Variants in ARMC9 observed in about 807,000 individuals in gnomAD.
ARMC9 encodes armadillo repeat containing 9, also known as lisH domain-containing protein ARMC9.
Under a neutral mutation model 107.0 loss-of-function variants are expected in ARMC9, and 94 were observed. The observed-to-expected ratio is 0.88, with a 90% CI of 0.74 to 1.04. ARMC9 has a LOEUF of 1.04. ARMC9 is among the 50% of genes least tolerant of loss of function. The pLI is 0.00. For synonymous variants in ARMC9, 380 were observed against 396.9 expected, an observed-to-expected ratio of 0.96 and a Z score of 0.51; for missense variants, 942 against 1,030.1, an observed-to-expected ratio of 0.91 and a Z score of 1.17.
Position 231,239,994 on chromosome 2 carries a change from A to G in ARMC9, c.832A>G (p.Met278Val), listed in dbSNP as rs2036134938. The change falls in exon 9 of 25, where the codon ATG (methionine) becomes GTG (valine). Residue 278 changes from methionine (M) to valine (V), a missense_variant. Coordinates refer to ENST00000611582, the MANE Select transcript of ARMC9 (RefSeq NM_001352754.2). ...SVCVRLFSNQ[M>V]RQSLAHSVDF... ...CTGTGTCCGCCTGTTCAGTAACCAGATGCGGCAGAGCCTGGCGCATAGTGT... is the reference window on the plus strand; with the variant it reads ...CTGTGTCCGCCTGTTCAGTAACCAGGTGCGGCAGAGCCTGGCGCATAGTGT... The G allele has an allele frequency of 1.9e-6, 3 of 1,613,972 alleles. No homozygotes were observed. The highest frequency in any genetic ancestry group is 1.1e-5 in the South Asian group (1 of 91,032).
intron 17 of ARMC9, among the ~76,000 whole-genome samples, chr2:231,289,089 C>T (rs746970955): frequency 4.6e-4 from 70 of 152,324 alleles, no homozygotes; most frequent in Middle Eastern, 3.4e-3. Context: ...CAAGTTATTA[C>T]TTTCAGGATA....
At chr2:231,282,278 G>A (rs1252431181) in intron 17 of ARMC9, 145 bp downstream of exon 17, 1 of 781,180 alleles carries the variant, frequency 1.3e-6, no homozygotes, top group African/African-American at 1.7e-5. Context: ...ATGTATATTT[G>A]CCATTTCCTG....
At chr2:231,363,882 T>C (rs1425091393) in intron 23 of ARMC9, among the ~76,000 whole-genome samples, 2 of 33,908 alleles carry the variant, frequency 5.9e-5, no homozygotes, top group Admixed American at 9.2e-4. Flanking sequence ...AGACTCCGTC[T>C]CAAAAAAAAA....
chr2:231,304,633 G>A (rs966864752), intron 19 of ARMC9, among the ~76,000 whole-genome samples: 36 of 152,172 alleles, frequency 2.4e-4, no homozygotes, highest in Non-Finnish European at 4.4e-4. Flanking sequence ...CTGACCTCAG[G>A]TGATCTGCCC....
intron 21 of ARMC9, among the ~76,000 whole-genome samples, chr2:231,350,093 C>T (rs1192877620): frequency 6.6e-6 from 1 of 151,998 alleles, no homozygotes; most frequent in African/African-American, 2.4e-5. Flanking sequence ...GTGGCACAGT[C>T]TTGGCAACTG....
At chr2:231,345,429 C>T (rs1218189340) in intron 21 of ARMC9, among the ~76,000 whole-genome samples, 1 of 152,210 alleles carries the variant, frequency 6.6e-6, no homozygotes, top group Non-Finnish European at 1.5e-5. Context: ...CCTCTCGTCA[C>T]AGCACCAAGC....
At chr2:231,367,351 A>T (rs1181818568) in intron 23 of ARMC9, among the ~76,000 whole-genome samples, 1 of 152,070 alleles carries the variant, frequency 6.6e-6, no homozygotes. Flanking sequence ...TGACCCTGCA[A>T]CTTGACCTTG....
chr2:231,226,339 G>A (rs2034643596), intron 6 of ARMC9, among the ~76,000 whole-genome samples: 1 of 152,186 alleles, frequency 6.6e-6, no homozygotes, highest in Non-Finnish European at 1.5e-5. Context: ...AGAGTCTGTG[G>A]TCTTAGCAAT....
intron 19 of ARMC9, among the ~76,000 whole-genome samples, chr2:231,314,176 T>C (rs950424624): frequency 2.4e-4 from 36 of 151,460 alleles, no homozygotes; most frequent in Non-Finnish European, 5.3e-4. Flanking sequence ...GCCTCACAGG[T>C]TCAAGTGATT....
At chr2:231,230,115 A>T (rs1358959214) in intron 7 of ARMC9, among the ~76,000 whole-genome samples, 3 of 152,140 alleles carry the variant, frequency 2.0e-5, no homozygotes, top group Non-Finnish European at 4.4e-5. Flanking sequence ...TAATCCCAGC[A>T]CTGTGGGAGG....
intron 19 of ARMC9, among the ~76,000 whole-genome samples, chr2:231,302,135 G>A (rs1483296521): frequency 6.6e-6 from 1 of 151,890 alleles, no homozygotes; most frequent in Admixed American, 6.6e-5. Flanking sequence ...AATATGTTAT[G>A]CATAGGAAAG....
intron 19 of ARMC9, among the ~76,000 whole-genome samples, chr2:231,330,582 A>C (rs2043661932): frequency 6.6e-6 from 1 of 152,194 alleles, no homozygotes; most frequent in Non-Finnish European, 1.5e-5. Flanking sequence ...ACCACCCAGC[A>C]GGGATGAAAC....
rs16827884 is a variant in ARMC9 at position 231,239,853 on chromosome 2, G to A, written c.781-90G>A. 0.041 allele frequency: 44,522 copies of A among 1,078,846 alleles called. 1,125 individuals are homozygous for A. Among genetic ancestry groups the A allele is most frequent in the African/African-American group, 0.1 (6,415 of 63,970 alleles). 66.8% of individuals were successfully genotyped at this position (1,078,846 alleles called of 1,614,324 possible). On this transcript the variant is annotated intron_variant, in intron 8 of 24. Coordinates refer to ENST00000611582, the MANE Select transcript of ARMC9 (RefSeq NM_001352754.2). ...TCATCATGCCTTACAGAAAGCTGTT[G>A]AGAGACCACTCTAACAATTGCCAGC...
chr2:231,366,160 C>T (rs1395894019), intron 23 of ARMC9, among the ~76,000 whole-genome samples: 1 of 152,160 alleles, frequency 6.6e-6, no homozygotes, highest in Admixed American at 6.5e-5. Context: ...GGGAGAGTTG[C>T]CGTTCAAGTC....
chr2:231,368,551 C>T (rs1276696134), intron 23 of ARMC9, among the ~76,000 whole-genome samples: 3 of 152,138 alleles, frequency 2.0e-5, no homozygotes, highest in African/African-American at 7.2e-5. Flanking sequence ...ACTGTACCCA[C>T]AAGTAAGCAA....
At chr2:231,260,338 A>G (rs2038216185) in intron 11 of ARMC9, among the ~76,000 whole-genome samples, 1 of 152,174 alleles carries the variant, frequency 6.6e-6, no homozygotes, top group Non-Finnish European at 1.5e-5. Context: ...GGGACCTCTT[A>G]GGGTTCCCTG....
Position 231,271,052 on chromosome 2 carries a change from C to T in ARMC9, c.1190C>T (p.Ala397Val), listed in dbSNP as rs746581446. Reference protein sequence around the residue: ...VRQYMARLINAFASLAEGRLY... With the variant: ...VRQYMARLINVFASLAEGRLY... ...CAGTACATGGCCAGGCTCATCAATG[C>T]TTTTGCGTCACTGGCAGAAGGTGAG... Residue 397 changes from alanine (A) to valine (V), a missense_variant, in exon 13 of 25, where the codon GCT becomes GTT. Transcript: ENST00000611582. The T allele has an allele frequency of 5.0e-6, 8 of 1,614,026 alleles. No individual in the cohort carries two copies. In the Admixed American group the frequency reaches 8.3e-5, roughly 17 times the overall value.
At chr2:231,286,054 G>A (rs759339964) in intron 17 of ARMC9, among the ~76,000 whole-genome samples, 2 of 152,292 alleles carry the variant, frequency 1.3e-5, no homozygotes, top group South Asian at 2.1e-4. Flanking sequence ...ACATCTGATC[G>A]TGCACGGTGC....
At chr2:231,307,724 A>C (rs1044491620) in intron 19 of ARMC9, among the ~76,000 whole-genome samples, 1 of 152,198 alleles carries the variant, frequency 6.6e-6, no homozygotes, top group African/African-American at 2.4e-5. Flanking sequence ...CATTGCTGTC[A>C]ACCAGGTTCC....
Sources: gnomAD v4.1 joint callset for allele counts (sites outside exome capture counted in the v4.1 genomes callset) on GRCh38, gnomAD v4.1.1 for gene constraint, MANE v1.5 for transcripts, NCBI Gene and HGNC (gene_info 2026-07-23, HGNC 2026-07-21) for gene names.